Variants in MFSD12 observed in about 807,000 individuals in gnomAD.
MFSD12 encodes the protein major facilitator superfamily domain-containing protein 12.
In MFSD12, 67 loss-of-function variants were observed where a neutral mutation model predicts 51.2. The ratio of observed to expected loss-of-function variants is 1.31; its 90% CI spans 1.08 to 1.60. The LOEUF (loss-of-function observed/expected upper bound fraction) is 1.60, where lower values mean the gene tolerates loss of function less well. Ranked by LOEUF, MFSD12 falls within the 40% of genes most tolerant of loss-of-function variation. The pLI is 0.00. For synonymous variants in MFSD12, 441 were observed against 316.7 expected, an observed-to-expected ratio of 1.39 and a Z score of -4.17; for missense variants, 921 against 673.0, an observed-to-expected ratio of 1.37 and a Z score of -4.08.
chr19:3,541,038 G>A (rs890989459), downstream of MFSD12, among the ~76,000 whole-genome samples: 16 of 133,958 alleles, frequency 1.2e-4, no homozygotes, highest in African/African-American at 3.1e-4. Flanking sequence ...TTGTGGTGGC[G>A]GGCGCCTGCA....
chr19:3,553,813 G>C (rs1203653747), intron 1 of MFSD12, among the ~76,000 whole-genome samples: 1 of 151,578 alleles, frequency 6.6e-6, no homozygotes, highest in African/African-American at 2.4e-5. Flanking sequence ...TGGGTGCGGT[G>C]GCTCATGCTT....
chr19:3,543,617 GC>G (rs937756023), downstream of MFSD12: 1 of 1,544,674 alleles, frequency 6.5e-7, no homozygotes. Flanking sequence ...CCAGTACCAG[GC>G]CCCCAGCACC....
rs961673879 is a variant in MFSD12 at position 3,546,926 on chromosome 19, C to T, written c.1023+346G>A. 4.6e-5 allele frequency among the ~76,000 whole-genome samples: 7 copies of T among 151,482 alleles called. No homozygotes were observed. In the Middle Eastern group the frequency reaches 0.01, roughly 221 times the overall value. ...TCATCTCACTGCAAGCTCCGCCTCC[C>T]GGGTTCACGCCATTCTCCTGCCTCA... On this transcript the variant is annotated intron_variant, in intron 6 of 9. Transcript: ENST00000355415.
In MFSD12 at chr19:3,547,443, C is replaced by T. The variant is rs759269365; in HGVS notation, c.930+12G>A. ...CCGTCCCATCCCAGCGTCCCCGCCCCAATCTGCTCACCTTGGGCAGGTGGA... is the reference window on the plus strand; with the variant it reads ...CCGTCCCATCCCAGCGTCCCCGCCCTAATCTGCTCACCTTGGGCAGGTGGA... On this transcript the variant is annotated intron_variant, in intron 5 of 9. Transcript: ENST00000355415. The T allele has an allele frequency of 5.6e-6, 9 of 1,612,652 alleles. No homozygotes were observed. Among genetic ancestry groups the T allele is most frequent in the Non-Finnish European group, 7.6e-6 (9 of 1,179,762 alleles).
At chr19:3,548,078 C>T in intron 3 of MFSD12, 45 bp downstream of exon 3, 2 of 1,601,960 alleles carry the variant, frequency 1.2e-6, no homozygotes, top group South Asian at 2.2e-5. Context: ...CAGCCCCCGC[C>T]CCTGGCTCGA....
chr19:3,550,599 C>A (rs545722811), intron 2 of MFSD12, among the ~76,000 whole-genome samples: 1 of 152,160 alleles, frequency 6.6e-6, no homozygotes, highest in South Asian at 2.1e-4. Flanking sequence ...CACGTGTTAG[C>A]GAGGATGGTC....
chr19:3,548,170 T>C lies in MFSD12; in HGVS notation c.607A>G (p.Ile203Val), dbSNP rs34562175. ...GSSRVEPTQD[I>V]SISDQLGGQD... ...CCCCCCAGCTGGTCGCTGATGCTGA[T>C]GTCTTGGGTGGGCTCCACCCGCGAC... Residue 203 changes from isoleucine (I) to valine (V), a missense_variant, in exon 3 of 10, where the codon ATC becomes GTC. Ile to Val is a conservative substitution (Grantham distance 29). Coordinates refer to ENST00000355415, the MANE Select transcript of MFSD12 (RefSeq NM_174983.5). 8.5e-3 allele frequency: 13,665 copies of C among 1,598,534 alleles called. 621 individuals are homozygous for C. In the African/African-American group the frequency reaches 0.11, roughly 13 times the overall value.
In MFSD12 at chr19:3,545,057, T is replaced by G. The variant is rs892835787; in HGVS notation, c.1290-118A>C. 13 of 1,357,538 alleles carry G rather than the reference T, an allele frequency of 9.6e-6. No individual in the cohort carries two copies. In the Admixed American group the frequency reaches 1.7e-4, roughly 18 times the overall value. The allele number at this position is 1,357,538 out of a possible 1,614,324, so 84.1% of individuals were successfully genotyped here. The stretch of plus-strand genomic sequence containing the variant: ...GCTCCGTCCTGTCCAATCCAGGAGC[T>G]GGGGGCCCTGCCACTCCCTCCCTCC... On this transcript the variant is annotated intron_variant, in intron 8 of 9. Coordinates refer to ENST00000355415, the MANE Select transcript of MFSD12 (RefSeq NM_174983.5).
At chr19:3,543,308 C>G, downstream of MFSD12, 1 of 1,549,236 alleles carries the variant, frequency 6.5e-7, no homozygotes, top group East Asian at 2.4e-5. Context: ...GAAGTACACG[C>G]CCATGGGACG....
rs987493386 is a variant in MFSD12 at position 3,544,482 on chromosome 19, GGATTA to G, written c.*223_*227del. On this transcript the variant is annotated 3_prime_UTR_variant, in exon 10 of 10. Coordinates refer to ENST00000355415, the MANE Select transcript of MFSD12 (RefSeq NM_174983.5). ...CCCAAATCCTCCAGAGGGCTGGGAT[GGATTA>G]GAGTTGAGAATGGGACACCCTCAAA... 3 of 1,378,954 alleles carry G rather than the reference GGATTA, an allele frequency of 2.2e-6. No homozygotes were observed. In the African/African-American group the frequency reaches 4.4e-5, roughly 20 times the overall value. 85.4% of individuals were successfully genotyped at this position (1,378,954 alleles called of 1,614,324 possible). A position where few individuals can be genotyped will look rare whatever the true frequency, so the allele number is the denominator to read the frequency against.
At chr19:3,543,156 C>T (rs527254480), downstream of MFSD12, 2,273 of 1,514,908 alleles carry the variant, frequency 1.5e-3, no homozygotes, top group Non-Finnish European at 1.8e-3. Flanking sequence ...CTACATCATC[C>T]ACCCTGGCAG....
At chr19:3,553,473 GAAA>G (rs59871101) in intron 1 of MFSD12, among the ~76,000 whole-genome samples, 2 of 140,660 alleles carry the variant, frequency 1.4e-5, no homozygotes, top group African/African-American at 5.3e-5. Flanking sequence ...ACCCTGTCAA[GAAA>G]AAAAAAAAAA....
chr19:3,544,300 G>GCTGT lies in MFSD12; in HGVS notation c.*406_*409dup. The GCTGT allele has an allele frequency of 7.8e-7, 1 of 1,281,502 alleles. No individual in the cohort carries two copies. The highest frequency in any genetic ancestry group is 9.9e-7 in the Non-Finnish European group (1 of 1,014,240). The allele number at this position is 1,281,502 out of a possible 1,614,324, so 79.4% of individuals were successfully genotyped here. A position where few individuals can be genotyped will look rare whatever the true frequency, so the allele number is the denominator to read the frequency against. ...TCCAGGCCCAGCCCACCACCCCGTG[G>GCTGT]CTGTCTCCTCCAGGCTCCAGCCGTC... On this transcript the variant is annotated 3_prime_UTR_variant, in exon 10 of 10. Coordinates refer to ENST00000355415, the MANE Select transcript of MFSD12 (RefSeq NM_174983.5).
At chr19:3,543,833 C>G (rs1398976951), downstream of MFSD12, 1 of 1,530,958 alleles carries the variant, frequency 6.5e-7, no homozygotes, top group East Asian at 2.5e-5. Context: ...CTACAGTGCT[C>G]AACAGGAACC....
At chr19:3,545,473 C>G (rs2030926914) in intron 8 of MFSD12, among the ~76,000 whole-genome samples, 1 of 152,262 alleles carries the variant, frequency 6.6e-6, no homozygotes, top group African/African-American at 2.4e-5. Flanking sequence ...TGGTCCTGCC[C>G]CAGGGCTTTG....
chr19:3,538,967 G>C (rs1487667111), intron 4 of MFSD12: 1 of 636,078 alleles, frequency 1.6e-6, no homozygotes, highest in Non-Finnish European at 2.9e-6. Flanking sequence ...GACCCCACCT[G>C]GCAGTGGCCC....
At chr19:3,542,968 G>A (rs1236844188), downstream of MFSD12, 6 of 1,543,424 alleles carry the variant, frequency 3.9e-6, no homozygotes, top group Admixed American at 1.7e-5. Context: ...TCTTCTCCAG[G>A]CAAGAAAAGC....
chr19:3,557,520 G>A lies in MFSD12; in HGVS notation c.-117C>T. 3 of 581,194 alleles carry A rather than the reference G, an allele frequency of 5.2e-6. No individual in the cohort carries two copies. Among genetic ancestry groups the A allele is most frequent in the Non-Finnish European group, 7.0e-6 (3 of 430,536 alleles). 36.0% of individuals were successfully genotyped at this position (581,194 alleles called of 1,614,324 possible). On this transcript the variant is annotated 5_prime_UTR_variant, in exon 1 of 10. Coordinates refer to ENST00000355415, the MANE Select transcript of MFSD12 (RefSeq NM_174983.5). ...ACCCCCACCACGCGCCGGGCACCCCGCGTCCCGCTCTCTTACGGCCGCGCC... is the reference window on the plus strand; with the variant it reads ...ACCCCCACCACGCGCCGGGCACCCCACGTCCCGCTCTCTTACGGCCGCGCC...
downstream of MFSD12, chr19:3,543,791 G>C: frequency 6.7e-7 from 1 of 1,497,210 alleles, no homozygotes; most frequent in Admixed American, 2.2e-5. Context: ...CAACGGCGAG[G>C]AGGTGGGGGC....
Sources: gnomAD v4.1 joint callset for allele counts (sites outside exome capture counted in the v4.1 genomes callset) on GRCh38, gnomAD v4.1.1 for gene constraint, MANE v1.5 for transcripts, NCBI Gene and HGNC (gene_info 2026-07-23, HGNC 2026-07-21) for gene names.